RYR3: variants seen among roughly 807,000 people sequenced by gnomAD.
RYR3 encodes the protein brain ryanodine receptor-calcium release channel.
RYR3 carries 207 observed loss-of-function variants against 584.3 expected under a neutral mutation model. The observed-to-expected ratio is 0.35, with a 90% confidence interval of 0.32 to 0.40. The LOEUF (loss-of-function observed/expected upper bound fraction) is 0.40, where lower values mean the gene tolerates loss of function less well. Ranked by LOEUF, RYR3 falls within the 10% of genes least tolerant of loss-of-function variation. The pLI is 1.00. For synonymous variants in RYR3, 2,416 were observed against 2,248.5 expected, an observed-to-expected ratio of 1.07 and a Z score of -2.11; for missense variants, 5,616 against 6,089.2, an observed-to-expected ratio of 0.92 and a Z score of 2.59.
At position 33,772,216 on chromosome 15, in the gene RYR3, G is replaced by A. The variant is rs545900461; in HGVS notation, c.9055+58G>A. The A allele has an allele frequency of 2.2e-4, 245 of 1,098,722 alleles. 3 individuals are homozygous for A. In the South Asian group the frequency reaches 3.1e-3, roughly 14 times the overall value. 68.1% of individuals were successfully genotyped at this position (1,098,722 alleles called of 1,614,324 possible). A position where few individuals can be genotyped will look rare whatever the true frequency, so the allele number is the denominator to read the frequency against. On this transcript the variant is annotated intron_variant, in intron 63 of 103. Transcript: ENST00000634891. ...GTGCACATGGCCCCAGATAGGAGGT[G>A]CAGGGCCCATTCACTTACATTGACC...
rs1312971903 is a variant in RYR3 at position 33,854,784 on chromosome 15, T to C, written c.13879T>C (p.Trp4627Arg). Residue 4627 changes from tryptophan (W) to arginine (R), a missense_variant, in exon 98 of 104, where the codon TGG becomes CGG. By Grantham distance (101) the Trp-to-Arg change is moderately radical (BLOSUM62 -3). Around this residue, in one of 9 missense-constraint regions of RYR3, gnomAD observed 918 missense variants for 887.4 expected, o/e 1.03. Coordinates refer to ENST00000634891, the MANE Select transcript of RYR3 (RefSeq NM_001036.6). The part of the protein sequence containing the change: ...FTDNSFLYLA[W>R]YTTMSVLGHY... ...TTCCCAGTCCTTTCTCTACCTTGCC[T>C]GGTATACAACCATGTCAGTCCTGGG... is the stretch of plus-strand genomic sequence containing the variant. The C allele has an allele frequency of 1.2e-6, 2 of 1,610,112 alleles. No homozygotes were observed. The highest frequency in any genetic ancestry group is 8.5e-7 in the Non-Finnish European group (1 of 1,178,836).
In RYR3 at chr15:33,859,843, T is replaced by TTAATTTAGCAAGAAC; in HGVS notation, c.14299+123_14299+137dup. The stretch of plus-strand genomic sequence containing the variant: ...AGAAGCGTGTGAATTCATTTACTTG[T>TTAATTTAGCAAGAAC]TAATTTAGCAAGAACTAATTTAGCA... On this transcript the variant is annotated intron_variant, in intron 100 of 103. Transcript: ENST00000634891. 3 of 1,200,042 alleles carry TTAATTTAGCAAGAAC rather than the reference T, an allele frequency of 2.5e-6. No individual in the cohort carries two copies. In the East Asian group the frequency reaches 7.7e-5, roughly 31 times the overall value. The allele number at this position is 1,200,042 out of a possible 1,614,324, so 74.3% of individuals were successfully genotyped here. A position where few individuals can be genotyped will look rare whatever the true frequency, so the allele number is the denominator to read the frequency against.
chr15:33,508,960 C>A (rs2052723017), intron 3 of RYR3, among the ~76,000 whole-genome samples: 1 of 152,134 alleles, frequency 6.6e-6, no homozygotes, highest in Admixed American at 6.5e-5. Context: ...TATCATGTGA[C>A]CTTGTAAACG....
At chr15:33,506,736 G>A (rs74005664) in intron 3 of RYR3, among the ~76,000 whole-genome samples, 1 of 152,266 alleles carries the variant, frequency 6.6e-6, no homozygotes, top group African/African-American at 2.4e-5. Context: ...TTCCGTCTGG[G>A]CTCTTAGTCT....
chr15:33,553,154 G>T (rs908645355), intron 10 of RYR3, among the ~76,000 whole-genome samples: 1 of 152,170 alleles, frequency 6.6e-6, no homozygotes, highest in Admixed American at 6.5e-5. Flanking sequence ...GGGCGAGGAA[G>T]CAGGGTATTC....
chr15:33,505,842 T>C (rs1383501492), intron 3 of RYR3, among the ~76,000 whole-genome samples: 3 of 152,140 alleles, frequency 2.0e-5, no homozygotes, highest in African/African-American at 7.2e-5. Flanking sequence ...ATGTATCATA[T>C]AAAGAAATCT....
intron 98 of RYR3, among the ~76,000 whole-genome samples, chr15:33,857,408 C>CG (rs11422625): frequency 0.072 from 10,931 of 151,838 alleles, 1,155 homozygotes; most frequent in African/African-American, 0.23. Flanking sequence ...AGATTGGTTG[C>CG]GGGCCCATCT....
chr15:33,396,255 C>G (rs918972733), intron 1 of RYR3, among the ~76,000 whole-genome samples: 2 of 152,070 alleles, frequency 1.3e-5, no homozygotes, highest in Non-Finnish European at 2.9e-5. Flanking sequence ...TGACAACTGC[C>G]GAATTTACAT....
chr15:33,794,811 A>G (rs1052442797), intron 67 of RYR3, among the ~76,000 whole-genome samples: 3 of 152,150 alleles, frequency 2.0e-5, no homozygotes, highest in African/African-American at 7.2e-5. Context: ...CTGGCTTTGA[A>G]TTATGGAATT....
chr15:33,580,021 A>C lies in RYR3; in HGVS notation c.1314A>C (p.Glu438Asp). Reference sequence around the variant, plus strand: ...CCCCCATCACCCTGCCTATAGAAGAAGTCCTGCAGACCCTACAGGACTTGA... The same window carrying C: ...CCCCCATCACCCTGCCTATAGAAGACGTCCTGCAGACCCTACAGGACTTGA... ...TAAPITLPIEEVLQTLQDLIA... is the reference protein window; with the variant it reads ...TAAPITLPIEDVLQTLQDLIA... Residue 438 changes from glutamate (E) to aspartate (D), a missense_variant, in exon 13 of 104, where the codon GAA (glutamate) becomes GAC (aspartate). By Grantham distance (45) the Glu-to-Asp change is conservative (BLOSUM62 2). Coordinates refer to ENST00000634891, the MANE Select transcript of RYR3 (RefSeq NM_001036.6). 6.2e-7 allele frequency: 1 copy of C among 1,613,306 alleles called. No homozygotes were observed. The highest frequency in any genetic ancestry group is 1.3e-5 in the African/African-American group (1 of 75,012).
chr15:33,768,717 G>C lies in RYR3; in HGVS notation c.8755+10G>C. On this transcript the variant is annotated intron_variant, in intron 61 of 103. Transcript: ENST00000634891. ...AGAATTTCCCTCTTTGGTAAGTGAA[G>C]TGTTGCTCAAGGTACCGCTCCTCCC... The C allele has an allele frequency of 6.2e-7, 1 of 1,613,606 alleles. No individual in the cohort carries two copies. Among genetic ancestry groups the C allele is most frequent in the Non-Finnish European group, 8.5e-7 (1 of 1,179,506 alleles).
chr15:33,770,494 G>A (rs773747634), intron 62 of RYR3, among the ~76,000 whole-genome samples: 1 of 152,188 alleles, frequency 6.6e-6, no homozygotes, highest in Non-Finnish European at 1.5e-5. Flanking sequence ...GCTCACGCCT[G>A]TAATCCCAGC....
intron 57 of RYR3, among the ~76,000 whole-genome samples, chr15:33,751,943 C>T (rs529017371): frequency 3.9e-5 from 6 of 152,148 alleles, no homozygotes; most frequent in African/African-American, 1.2e-4. Context: ...CAGCTTTCTG[C>T]GTAGGGCTAG....
In RYR3 at chr15:33,432,668, T is replaced by TTGTGTGTGTGTGTGTGTGTGTG. The variant is rs58292418; in HGVS notation, c.52-40743_52-40722dup. 6.0e-3 allele frequency among the ~76,000 whole-genome samples: 797 copies of TTGTGTGTGTGTGTGTGTGTGTG among 132,110 alleles called. 6 individuals are homozygous for TTGTGTGTGTGTGTGTGTGTGTG. Among genetic ancestry groups the TTGTGTGTGTGTGTGTGTGTGTG allele is most frequent in the African/African-American group, 0.019 (588 of 31,620 alleles). 86.7% of individuals were successfully genotyped at this position (132,110 alleles called of 152,430 possible). ...GGTGCCCACGACCACGCCTAGCTAA[T>TTGTGTGTGTGTGTGTGTGTGTG]TGTGTGTGTGTGTGTGTGTGTGTGT... On this transcript the variant is annotated intron_variant, in intron 1 of 103. Coordinates refer to ENST00000634891, the MANE Select transcript of RYR3 (RefSeq NM_001036.6).
intron 2 of RYR3, among the ~76,000 whole-genome samples, chr15:33,480,390 G>C (rs948633087): frequency 5.3e-5 from 8 of 152,202 alleles, no homozygotes; most frequent in African/African-American, 1.7e-4. Context: ...CTTTACAGCA[G>C]TTCCTAACAC....
intron 34 of RYR3, among the ~76,000 whole-genome samples, chr15:33,660,629 G>C (rs2063107389): frequency 6.6e-6 from 1 of 152,214 alleles, no homozygotes; most frequent in Non-Finnish European, 1.5e-5. Context: ...GCCTGCCACA[G>C]GGCCTTTGTT....
intron 8 of RYR3, among the ~76,000 whole-genome samples, chr15:33,546,760 C>G (rs1029711548): frequency 1.3e-5 from 2 of 152,136 alleles, no homozygotes; most frequent in African/African-American, 4.8e-5. Flanking sequence ...GTCTTAACTT[C>G]CAAGCTCATA....
rs74456585 is a variant in RYR3, at chr15:33,441,452, T to C, written c.52-31967T>C. Among the ~76,000 whole-genome samples, 227 of 152,294 alleles carry C rather than the reference T, an allele frequency of 1.5e-3. 7 individuals are homozygous for C. The East Asian group carries it at 0.042, about 28-fold the overall frequency. ...TAATTTTCGTGACAGCCTAATGACA[T>C]AGGTTCTGTTACTATTCCCATTTTT... is the stretch of plus-strand genomic sequence containing the variant. On this transcript the variant is annotated intron_variant, in intron 1 of 103. Coordinates refer to ENST00000634891, the MANE Select transcript of RYR3 (RefSeq NM_001036.6).
chr15:33,667,801 T>C (rs897169261), intron 36 of RYR3, among the ~76,000 whole-genome samples: 1 of 152,076 alleles, frequency 6.6e-6, no homozygotes, highest in African/African-American at 2.4e-5. Context: ...CGGTGGCTCA[T>C]GCCTGTAATC....
Sources: allele counts gnomAD v4.1 joint callset (sites outside exome capture counted in the v4.1 genomes callset), GRCh38; gene constraint gnomAD v4.1.1; regional missense constraint gnomAD v4.1.1; transcripts MANE v1.5; gene names NCBI Gene and HGNC (gene_info 2026-07-23, HGNC 2026-07-21).